The following SLC38A6 variants were observed in gnomAD, a reference collection of about 807,000 sequenced individuals.
The protein encoded by SLC38A6 is N system amino acid transporter NAT-1.
Under a neutral mutation model 65.0 loss-of-function variants are expected in SLC38A6, and 73 were observed. The ratio of observed to expected loss-of-function variants is 1.12; its 90% CI spans 0.93 to 1.37. The LOEUF (loss-of-function observed/expected upper bound fraction) is 1.37. Among genes scored for constraint, SLC38A6 ranks in the 40% most tolerant of loss-of-function variants. The pLI, the probability that SLC38A6 is intolerant of heterozygous loss-of-function variation, is 0.00. For synonymous variants in SLC38A6, 183 were observed against 178.8 expected (o/e 1.02, Z -0.19); for missense variants, 561 against 531.1 (o/e 1.06, Z -0.55).
intron 4 of SLC38A6, 69 bp downstream of exon 4, chr14:61,016,025 A>G: frequency 8.1e-7 from 1 of 1,227,186 alleles, no homozygotes; most frequent in Non-Finnish European, 1.2e-6. Flanking sequence ...TCAAGTTAAA[A>G]GAGACAAGTA....
chr14:61,024,873 G>C (rs529463323), intron 5 of SLC38A6, among the ~76,000 whole-genome samples: 2 of 152,288 alleles, frequency 1.3e-5, no homozygotes, highest in African/African-American at 4.8e-5. Flanking sequence ...GGAAAGATGA[G>C]TAGCTCCTAG....
chr14:60,988,631 C>T (rs2037634278), intron 3 of SLC38A6, among the ~76,000 whole-genome samples: 1 of 152,172 alleles, frequency 6.6e-6, no homozygotes, highest in Admixed American at 6.5e-5. Context: ...TTGTTTCTAA[C>T]TCACCCTCTC....
chr14:61,067,594 A>G (rs150813755), intron 15 of SLC38A6, among the ~76,000 whole-genome samples: 215 of 152,280 alleles, frequency 1.4e-3, no homozygotes, highest in African/African-American at 4.8e-3. Flanking sequence ...CTTATAAAGT[A>G]TGTGGTCAGA....
At chr14:61,013,609 G>T (rs1056145070) in intron 3 of SLC38A6, among the ~76,000 whole-genome samples, 2 of 152,158 alleles carry the variant, frequency 1.3e-5, no homozygotes, top group Admixed American at 1.3e-4. Context: ...GCATTTGCTT[G>T]TCTGTAAAGG....
chr14:61,003,309 C>T (rs2038837052), intron 3 of SLC38A6, among the ~76,000 whole-genome samples: 1 of 152,062 alleles, frequency 6.6e-6, no homozygotes, highest in African/African-American at 2.4e-5. Context: ...ATAATATGGG[C>T]ATTTAAATAT....
chr14:61,077,544 A>C (rs879494262), intron 15 of SLC38A6, among the ~76,000 whole-genome samples: 112 of 152,344 alleles, frequency 7.4e-4, no homozygotes, highest in Admixed American at 2.0e-3. Context: ...ATGATATATC[A>C]AAAGTCAGTA....
intron 12 of SLC38A6, chr14:61,048,017 AC>A (rs1158120452): frequency 5.5e-6 from 2 of 364,110 alleles, no homozygotes; most frequent in African/African-American, 4.4e-5. Context: ...ATACATACAT[AC>A]ATACATACAT....
intron 12 of SLC38A6, 99 bp downstream of exon 12, chr14:61,046,266 A>G: frequency 1.4e-6 from 1 of 725,608 alleles, no homozygotes; most frequent in Non-Finnish European, 2.3e-6. Context: ...TACTAAGTTA[A>G]TTTGCTCAGA....
exon 17 of SLC38A6, chr14:61,083,659 C>T (rs957064388): frequency 1.2e-4 from 184 of 1,550,236 alleles, no homozygotes; most frequent in Middle Eastern, 3.4e-4. Context: ...GAGAACCAAA[C>T]GTGTCCACAC....
intron 15 of SLC38A6, among the ~76,000 whole-genome samples, chr14:61,061,226 G>A (rs10149064): frequency 6.6e-6 from 1 of 152,108 alleles, no homozygotes; most frequent in South Asian, 2.1e-4. Context: ...TTCTGTTTAT[G>A]TGATGAATCA....
intron 3 of SLC38A6, among the ~76,000 whole-genome samples, chr14:60,993,397 T>C (rs1376881727): frequency 2.0e-5 from 3 of 152,146 alleles, no homozygotes; most frequent in South Asian, 2.1e-4. Flanking sequence ...CCCACTATTA[T>C]AGGAACCTGG....
intron 13 of SLC38A6, 124 bp downstream of exon 13, chr14:61,050,760 T>A: frequency 1.1e-6 from 1 of 915,932 alleles, no homozygotes; most frequent in Non-Finnish European, 1.5e-6. Context: ...ACTTGTCAAG[T>A]AATTGATCAA....
At chr14:61,014,227 A>G (rs1232718564) in intron 3 of SLC38A6, among the ~76,000 whole-genome samples, 1 of 152,072 alleles carries the variant, frequency 6.6e-6, no homozygotes, top group Non-Finnish European at 1.5e-5. Flanking sequence ...CGTGGTTTTC[A>G]GCTCCATCAG....
intron 3 of SLC38A6, among the ~76,000 whole-genome samples, chr14:61,005,089 CAT>C (rs1474476953): frequency 7.9e-5 from 12 of 152,296 alleles, no homozygotes; most frequent in African/African-American, 1.7e-4. Context: ...ACAAAAACCA[CAT>C]GTTTATCTCA....
intron 3 of SLC38A6, among the ~76,000 whole-genome samples, chr14:60,995,059 C>T (rs1427688180): frequency 6.7e-6 from 1 of 149,286 alleles, no homozygotes; most frequent in Admixed American, 6.7e-5. Context: ...CATGAAAAGT[C>T]ATGGAGGAAT....
At chr14:61,021,304 G>A (rs1235564968) in intron 5 of SLC38A6, among the ~76,000 whole-genome samples, 1 of 152,092 alleles carries the variant, frequency 6.6e-6, no homozygotes, top group Non-Finnish European at 1.5e-5. Flanking sequence ...TGCTAGACCG[G>A]CATCTAGCTT....
intron 3 of SLC38A6, among the ~76,000 whole-genome samples, chr14:61,003,943 C>T (rs2038891551): frequency 6.6e-6 from 1 of 151,954 alleles, no homozygotes; most frequent in Admixed American, 6.6e-5. Flanking sequence ...GTTTTTTCTT[C>T]TCAATTTGGA....
chr14:60,987,324 T>C (rs1333633579), intron 3 of SLC38A6: 1 of 152,986 alleles, frequency 6.5e-6, no homozygotes, highest in Non-Finnish European at 1.5e-5. Flanking sequence ...TGAGTTTTTA[T>C]GAAATAACTT....
chr14:61,062,717 G>A (rs557834498), intron 15 of SLC38A6, among the ~76,000 whole-genome samples: 3 of 152,116 alleles, frequency 2.0e-5, no homozygotes, highest in East Asian at 1.9e-4. Context: ...TCTCACTTCC[G>A]TCACCCAGGC....
Sources: allele counts gnomAD v4.1 joint callset (sites outside exome capture counted in the v4.1 genomes callset), GRCh38; gene constraint gnomAD v4.1.1; transcripts MANE v1.5; gene names NCBI Gene and HGNC (gene_info 2026-07-23, HGNC 2026-07-21).